Variants in AGPS observed in about 807,000 individuals in gnomAD.
AGPS encodes alkylglycerone phosphate synthase.
A neutral mutation model predicts 90.7 loss-of-function variants in AGPS; 26 were observed. The observed-to-expected ratio is 0.29, with a 90% CI of 0.21 to 0.40. The LOEUF (loss-of-function observed/expected upper bound fraction) is 0.40, where lower values mean the gene tolerates loss of function less well. AGPS is among the 10% of genes least tolerant of loss of function. AGPS has a pLI of 1.00. For missense variants in AGPS, 540 were observed against 816.1 expected (o/e 0.66, Z 4.12); for synonymous variants, 294 against 285.3 (o/e 1.03, Z -0.31).
At chr2:177,513,581 C>G (rs1688940872) in intron 16 of AGPS, among the ~76,000 whole-genome samples, 1 of 152,078 alleles carries the variant, frequency 6.6e-6, no homozygotes, top group Non-Finnish European at 1.5e-5. Context: ...TGAGTGTGTT[C>G]TTGTGACTTT....
chr2:177,495,063 CTT>C (rs1440157846), intron 12 of AGPS, among the ~76,000 whole-genome samples: 3 of 152,088 alleles, frequency 2.0e-5, no homozygotes, highest in Non-Finnish European at 2.9e-5. Flanking sequence ...AGGTACAACT[CTT>C]AATACATTAT....
chr2:177,464,419 C>T (rs1214191097), intron 9 of AGPS, among the ~76,000 whole-genome samples: 1 of 152,142 alleles, frequency 6.6e-6, no homozygotes. Context: ...TATTTCGTAA[C>T]ATTAGTGCAT....
Position 177,409,079 on chromosome 2 carries a change from T to A in AGPS, c.261-11190T>A, listed in dbSNP as rs555235316. Among the ~76,000 whole-genome samples, 11 of 152,262 alleles carry A rather than the reference T, an allele frequency of 7.2e-5. No homozygotes were observed. The East Asian group carries it at 1.9e-3, about 27-fold the overall frequency. Reference sequence around the variant, plus strand: ...CTTTCTTCTCTTCCCCCAAACTTTATGGGGTTCATTTTTTCCATGGGTTTG... The same window carrying A: ...CTTTCTTCTCTTCCCCCAAACTTTAAGGGGTTCATTTTTTCCATGGGTTTG... On this transcript the variant is annotated intron_variant, in intron 1 of 19. Coordinates refer to ENST00000264167, the MANE Select transcript of AGPS (RefSeq NM_003659.4).
intron 2 of AGPS, among the ~76,000 whole-genome samples, chr2:177,432,598 A>G (rs1225991690): frequency 6.6e-6 from 1 of 152,388 alleles, no homozygotes; most frequent in Admixed American, 6.5e-5. Flanking sequence ...ATAGAGATAT[A>G]AAGACTTTAT....
intron 1 of AGPS, among the ~76,000 whole-genome samples, chr2:177,410,222 C>T (rs971038086): frequency 2.0e-5 from 3 of 152,108 alleles, no homozygotes; most frequent in African/African-American, 4.8e-5. Flanking sequence ...TCCTGCCTTG[C>T]GGCTCTTTTG....
chr2:177,491,332 C>G (rs1315491861), intron 11 of AGPS, among the ~76,000 whole-genome samples: 1 of 151,036 alleles, frequency 6.6e-6, no homozygotes, highest in Admixed American at 6.6e-5. Flanking sequence ...TGCAGTGGTT[C>G]ACTGCAACCT....
At chr2:177,488,200 C>T (rs562508525) in intron 11 of AGPS, among the ~76,000 whole-genome samples, 14 of 151,722 alleles carry the variant, frequency 9.2e-5, no homozygotes, top group Non-Finnish European at 1.8e-4. Flanking sequence ...TCTTTTTTTA[C>T]ATAGCCTTTT....
intron 16 of AGPS, among the ~76,000 whole-genome samples, chr2:177,512,519 A>G (rs150586668): frequency 2.1e-3 from 324 of 152,334 alleles, no homozygotes; most frequent in Admixed American, 3.3e-3. Context: ...TAACTTTTAT[A>G]AAGTATGATC....
intron 8 of AGPS, among the ~76,000 whole-genome samples, chr2:177,447,051 A>G (rs1686797175): frequency 6.6e-6 from 1 of 152,204 alleles, no homozygotes; most frequent in Admixed American, 6.5e-5. Context: ...GCTTTTGTAA[A>G]CAAAAATTAG....
chr2:177,515,768 A>G (rs1418624370), intron 17 of AGPS, among the ~76,000 whole-genome samples: 5 of 152,178 alleles, frequency 3.3e-5, no homozygotes, highest in South Asian at 2.1e-4. Flanking sequence ...TGGTTTTCCT[A>G]TAAAAGCTTA....
At chr2:177,519,192 T>G (rs1407859424) in intron 17 of AGPS, among the ~76,000 whole-genome samples, 1 of 152,202 alleles carries the variant, frequency 6.6e-6, no homozygotes, top group Non-Finnish European at 1.5e-5. Flanking sequence ...GTTCATCTGG[T>G]TCCTCTACTC....
rs903278435 is a variant in AGPS, at chr2:177,497,714, C to G, written c.1311C>G (p.Ser437=). ...GTCATGCTCTTAAACCTCAGGTTTC[C>G]TCTATTTTTACATCATTTTTGGACG... ...QFGHALKPQV[S]SIFTSFLDGL... is the part of the protein sequence containing the mutation. The change falls in exon 13 of 20, where the codon TCC becomes TCG. Residue 437 remains serine (S), a synonymous_variant. Coordinates refer to ENST00000264167, the MANE Select transcript of AGPS (RefSeq NM_003659.4). 1 of 1,581,064 alleles carries G rather than the reference C, an allele frequency of 6.3e-7. No individual in the cohort carries two copies. Among genetic ancestry groups the G allele is most frequent in the Non-Finnish European group, 8.6e-7 (1 of 1,156,610 alleles).
intron 10 of AGPS, among the ~76,000 whole-genome samples, chr2:177,475,342 G>A (rs1184470931): frequency 6.6e-6 from 1 of 152,082 alleles, no homozygotes; most frequent in Non-Finnish European, 1.5e-5. Context: ...TGTGTTAGGG[G>A]GTAAGACAGC....
At chr2:177,426,495 T>C (rs943371186) in intron 2 of AGPS, among the ~76,000 whole-genome samples, 11 of 152,226 alleles carry the variant, frequency 7.2e-5, no homozygotes, top group Non-Finnish European at 1.2e-4. Flanking sequence ...TGCTTCCAGC[T>C]TTTGCTCATT....
chr2:177,543,165 G>A lies in AGPS; in HGVS notation c.*4970G>A, dbSNP rs1053955517. The A allele has an allele frequency of 1.3e-4, 20 of 152,098 alleles. No homozygotes were observed. Among genetic ancestry groups the A allele is most frequent in the African/African-American group, 4.8e-4 (20 of 41,420 alleles). The allele number at this position is 152,098 out of a possible 1,614,324, so 9.4% of individuals were successfully genotyped here. On this transcript the variant is annotated 3_prime_UTR_variant, in exon 20 of 20. Coordinates refer to ENST00000264167, the MANE Select transcript of AGPS (RefSeq NM_003659.4). ...CCCTAAGTTGTGGCTTGGTGGGTTTGGCATTGAGCCTCAAGACACTCACTA... is the reference window on the plus strand; with the variant it reads ...CCCTAAGTTGTGGCTTGGTGGGTTTAGCATTGAGCCTCAAGACACTCACTA...
chr2:177,403,702 A>G (rs1685390495), intron 1 of AGPS, among the ~76,000 whole-genome samples: 1 of 152,260 alleles, frequency 6.6e-6, no homozygotes. Context: ...AGACATAAGC[A>G]TATGTGTGTG....
intron 1 of AGPS, among the ~76,000 whole-genome samples, chr2:177,393,791 C>T (rs576129231): frequency 6.6e-6 from 1 of 150,914 alleles, no homozygotes; most frequent in South Asian, 2.1e-4. Context: ...AGGGTTTCAC[C>T]GTGTTAGCCA....
intron 1 of AGPS, among the ~76,000 whole-genome samples, chr2:177,398,579 G>T (rs1685249154): frequency 6.6e-6 from 1 of 152,148 alleles, no homozygotes; most frequent in African/African-American, 2.4e-5. Context: ...TGTTCCCGGG[G>T]AGATATCTAC....
chr2:177,502,565 C>T (rs539025101), intron 14 of AGPS, among the ~76,000 whole-genome samples: 1 of 151,658 alleles, frequency 6.6e-6, no homozygotes. Context: ...TACAGGTGCA[C>T]GTCACCATGC....
Sources: gnomAD v4.1 joint callset for allele counts (sites outside exome capture counted in the v4.1 genomes callset) on GRCh38, gnomAD v4.1.1 for gene constraint, MANE v1.5 for transcripts, NCBI Gene and HGNC (gene_info 2026-07-23, HGNC 2026-07-21) for gene names.